The following ASB3 variants were observed in gnomAD, a reference collection of about 807,000 sequenced individuals.
ASB3 encodes ankyrin repeat and SOCS box containing 3.
In ASB3, 41 loss-of-function variants were observed where a neutral mutation model predicts 54.5. That is an observed-to-expected ratio of 0.75 (90% confidence interval 0.59 to 0.98). The LOEUF (loss-of-function observed/expected upper bound fraction) is 0.98. Among genes scored for constraint, ASB3 ranks in the 50% least tolerant of loss-of-function variants. The pLI is 0.00. For missense variants in ASB3, 733 were observed against 620.0 expected (o/e 1.18, Z -1.94); for synonymous variants, 266 against 221.2 (o/e 1.20, Z -1.80).
In ASB3 at chr2:53,707,698, C is replaced by T. The variant is rs189283913; in HGVS notation, c.980+6686G>A. On this transcript the variant is annotated intron_variant, in intron 7 of 9. Coordinates refer to ENST00000263634, the MANE Select transcript of ASB3 (RefSeq NM_016115.5). Reference sequence around the variant, plus strand: ...AGAGTATGCCGGGCACAGTGGCTCACGCCTGTAATCCCAACACTTTTGGGA... The same window carrying T: ...AGAGTATGCCGGGCACAGTGGCTCATGCCTGTAATCCCAACACTTTTGGGA... Among the ~76,000 whole-genome samples, 256 of 148,696 alleles carry T rather than the reference C, an allele frequency of 1.7e-3. 3 individuals carry two copies. Among genetic ancestry groups the T allele is most frequent in the Middle Eastern group, 7.4e-3 (2 of 270 alleles).
At chr2:53,687,433 T>C (rs979061056) in intron 9 of ASB3, among the ~76,000 whole-genome samples, 1 of 152,162 alleles carries the variant, frequency 6.6e-6, no homozygotes, top group African/African-American at 2.4e-5. Flanking sequence ...ATGTGTCCAG[T>C]TTTTTAAGAT....
At chr2:53,670,993 C>G (rs191814299) in intron 9 of ASB3, among the ~76,000 whole-genome samples, 65 of 152,294 alleles carry the variant, frequency 4.3e-4, no homozygotes, top group African/African-American at 1.3e-3. Context: ...GATGAACCAA[C>G]TTTAGAAATG....
chr2:53,718,191 C>T (rs563995935), intron 5 of ASB3, among the ~76,000 whole-genome samples: 1 of 152,220 alleles, frequency 6.6e-6, no homozygotes, highest in South Asian at 2.1e-4. Flanking sequence ...ATACAGAGAA[C>T]TCTCTGTGAA....
chr2:53,716,286 C>T (rs1319804071), intron 6 of ASB3, among the ~76,000 whole-genome samples: 3 of 152,114 alleles, frequency 2.0e-5, no homozygotes, highest in African/African-American at 7.2e-5. Flanking sequence ...GCGGCGGATA[C>T]AGCCATAACT....
rs1667754010 is a variant in ASB3 at position 53,670,488 on chromosome 2, A to G, written c.*15T>C. ...TCAGAGAAAAAAATTAGCTGTGTTAAGTAGTTTCACTGATTTATCCATCTT... is the reference window on the plus strand; with the variant it reads ...TCAGAGAAAAAAATTAGCTGTGTTAGGTAGTTTCACTGATTTATCCATCTT... On this transcript the variant is annotated 3_prime_UTR_variant, in exon 10 of 10. Coordinates refer to ENST00000263634, the MANE Select transcript of ASB3 (RefSeq NM_016115.5). The G allele has an allele frequency of 6.2e-7, 1 of 1,610,088 alleles. No individual in the cohort carries two copies. The highest frequency in any genetic ancestry group is 8.5e-7 in the Non-Finnish European group (1 of 1,179,192).
At chr2:53,741,810 AAAAT>A (rs1671948626) in intron 3 of ASB3, among the ~76,000 whole-genome samples, 1 of 152,218 alleles carries the variant, frequency 6.6e-6, no homozygotes, top group African/African-American at 2.4e-5. Context: ...ATCAGCAAGA[AAAAT>A]AAAATAAAAA....
intron 9 of ASB3, among the ~76,000 whole-genome samples, chr2:53,679,733 A>C (rs1036421089): frequency 2.0e-5 from 3 of 152,050 alleles, no homozygotes; most frequent in African/African-American, 7.2e-5. Flanking sequence ...TTATTTTTTC[A>C]TTCACATAAT....
chr2:53,710,919 A>G (rs1212084489), intron 7 of ASB3, among the ~76,000 whole-genome samples: 1 of 151,988 alleles, frequency 6.6e-6, no homozygotes, highest in African/African-American at 2.4e-5. Context: ...CTGAGCTCGG[A>G]GTTCAAGACC....
chr2:53,700,317 G>T lies in ASB3; in HGVS notation c.1192C>A (p.Leu398Ile). 3.1e-6 allele frequency: 5 copies of T among 1,614,042 alleles called. No homozygotes were observed. The highest frequency in any genetic ancestry group is 4.2e-6 in the Non-Finnish European group (5 of 1,179,994). The change falls in exon 8 of 10, where the codon CTT becomes ATT. Residue 398 changes from leucine to isoleucine, a missense_variant. Transcript: ENST00000263634. Reference sequence around the variant, plus strand: ...AGTGGGTCAAATCCAGCAACCAGAAGATGTGGCAACCACTCCTTATATTTT... The same window carrying T: ...AGTGGGTCAAATCCAGCAACCAGAATATGTGGCAACCACTCCTTATATTTT... ...QAKYKEWLPH[L>I]LVAGFDPLIL...
At chr2:53,739,273 A>C (rs758321030) in intron 3 of ASB3, among the ~76,000 whole-genome samples, 10 of 152,240 alleles carry the variant, frequency 6.6e-5, no homozygotes, top group Non-Finnish European at 1.3e-4. Flanking sequence ...CTTTTGACCA[A>C]AATCAACTCA....
chr2:53,779,040 C>T (rs1472918523), intron 1 of ASB3, among the ~76,000 whole-genome samples: 1 of 152,176 alleles, frequency 6.6e-6, no homozygotes, highest in African/African-American at 2.4e-5. Context: ...CATGCCTTGC[C>T]AACACTTATC....
intron 1 of ASB3, among the ~76,000 whole-genome samples, chr2:53,776,042 T>C (rs571310486): frequency 6.6e-6 from 1 of 152,176 alleles, no homozygotes; most frequent in Admixed American, 6.5e-5. Context: ...ACATATAATC[T>C]CTCTAGAATC....
chr2:53,681,887 C>T (rs921982671), intron 9 of ASB3, among the ~76,000 whole-genome samples: 6 of 151,982 alleles, frequency 3.9e-5, no homozygotes, highest in East Asian at 3.9e-4. Flanking sequence ...TGGCTGGGCG[C>T]GGTGGCTCAT....
intron 5 of ASB3, among the ~76,000 whole-genome samples, chr2:53,719,585 AT>A (rs548034206): frequency 2.2e-4 from 34 of 151,624 alleles, no homozygotes; most frequent in African/African-American, 8.0e-4. Flanking sequence ...CCCCAAGATA[AT>A]CCCCCCTTCA....
At chr2:53,741,920 A>C (rs1671953276) in intron 3 of ASB3, among the ~76,000 whole-genome samples, 1 of 152,212 alleles carries the variant, frequency 6.6e-6, no homozygotes, top group Non-Finnish European at 1.5e-5. Flanking sequence ...AATGACGATC[A>C]ATCCTGGGTA....
chr2:53,766,150 T>G (rs1673438090), intron 1 of ASB3, among the ~76,000 whole-genome samples: 1 of 152,194 alleles, frequency 6.6e-6, no homozygotes, highest in Non-Finnish European at 1.5e-5. Context: ...AACACTCAGA[T>G]TCTCTATGCT....
At chr2:53,747,241 T>C (rs1558556763) in intron 3 of ASB3, among the ~76,000 whole-genome samples, 1 of 152,158 alleles carries the variant, frequency 6.6e-6, no homozygotes, top group Non-Finnish European at 1.5e-5. Flanking sequence ...TATTCCTAAA[T>C]GTTCCATAAA....
chr2:53,774,326 T>C, intron 1 of ASB3: 1 of 1,613,528 alleles, frequency 6.2e-7, no homozygotes, highest in Non-Finnish European at 8.5e-7. Context: ...CCTGATTATC[T>C]TGGTCCTGCA....
intron 3 of ASB3, among the ~76,000 whole-genome samples, chr2:53,739,904 G>A (rs1341961730): frequency 2.0e-5 from 3 of 152,050 alleles, no homozygotes; most frequent in Non-Finnish European, 4.4e-5. Flanking sequence ...GAACTCATGG[G>A]CTCAAGTGAT....
Sources: allele counts gnomAD v4.1 joint callset (sites outside exome capture counted in the v4.1 genomes callset), GRCh38; gene constraint gnomAD v4.1.1; transcripts MANE v1.5; gene names NCBI Gene and HGNC (gene_info 2026-07-23, HGNC 2026-07-21).